Variants in CNTN3 observed in about 807,000 individuals in gnomAD.
CNTN3 encodes contactin-3.
In CNTN3, 60 loss-of-function variants were observed where a neutral mutation model predicts 119.1. The observed-to-expected ratio is 0.50, with a 90% CI of 0.41 to 0.62. The LOEUF (loss-of-function observed/expected upper bound fraction) is 0.62. Among genes scored for constraint, CNTN3 ranks in the 20% least tolerant of loss-of-function variants. CNTN3 has a pLI of 0.00. For missense variants in CNTN3, 1,101 were observed against 1,242.4 expected (o/e 0.89, Z 1.71); for synonymous variants, 450 against 438.7 (o/e 1.03, Z -0.32).
rs113997942 is a variant in CNTN3, at chr3:74,340,885, T to C, written c.1365-4227A>G. 6.0e-3 allele frequency among the ~76,000 whole-genome samples: 921 copies of C among 152,278 alleles called. 13 individuals are homozygous for C. Among genetic ancestry groups the C allele is most frequent in the African/African-American group, 0.02 (814 of 41,572 alleles). On this transcript the variant is annotated intron_variant, in intron 11 of 22. Coordinates refer to ENST00000263665, the MANE Select transcript of CNTN3 (RefSeq NM_020872.3). ...AAACAGAGGTAGGTAATTTCAGGTA[T>C]CTTCTATGCAATGAATTAGTGTAAC... is the stretch of plus-strand genomic sequence containing the variant.
chr3:74,373,114 G>T (rs923009570), intron 5 of CNTN3, among the ~76,000 whole-genome samples: 1 of 152,166 alleles, frequency 6.6e-6, no homozygotes, highest in Non-Finnish European at 1.5e-5. Context: ...CATGTGATAA[G>T]TTGTGAGCTC....
At chr3:74,352,513 G>T (rs904081570) in intron 11 of CNTN3, among the ~76,000 whole-genome samples, 3 of 152,078 alleles carry the variant, frequency 2.0e-5, no homozygotes, top group Non-Finnish European at 4.4e-5. Context: ...TAACTTCCAT[G>T]GTCACCTTAA....
At chr3:74,435,968 T>A (rs1420254963) in intron 4 of CNTN3, among the ~76,000 whole-genome samples, 1 of 152,198 alleles carries the variant, frequency 6.6e-6, no homozygotes, top group African/African-American at 2.4e-5. Flanking sequence ...ACACTCTCAG[T>A]TTCTAACACC....
intron 1 of CNTN3, among the ~76,000 whole-genome samples, chr3:74,601,219 T>C (rs1038662657): frequency 1.3e-5 from 2 of 151,998 alleles, no homozygotes; most frequent in African/African-American, 4.8e-5. Flanking sequence ...ATTTATACAG[T>C]AGAAACCATT....
At chr3:74,283,349 C>A (rs1702051685) in intron 20 of CNTN3, among the ~76,000 whole-genome samples, 1 of 152,106 alleles carries the variant, frequency 6.6e-6, no homozygotes, top group South Asian at 2.1e-4. Context: ...TACTTAGAAC[C>A]ATGACCGGAA....
intron 11 of CNTN3, among the ~76,000 whole-genome samples, chr3:74,360,858 T>C (rs1038882547): frequency 1.3e-5 from 2 of 152,186 alleles, no homozygotes; most frequent in African/African-American, 4.8e-5. Context: ...CCAATCCTTC[T>C]GCCTCCCTCT....
At chr3:74,359,400 C>A (rs892611300) in intron 11 of CNTN3, among the ~76,000 whole-genome samples, 4 of 152,008 alleles carry the variant, frequency 2.6e-5, no homozygotes, top group Non-Finnish European at 4.4e-5. Context: ...GAAGAGGAAA[C>A]GGAGGTTCAG....
intron 4 of CNTN3, among the ~76,000 whole-genome samples, chr3:74,426,945 T>C (rs1449796450): frequency 6.6e-6 from 1 of 152,240 alleles, no homozygotes; most frequent in Non-Finnish European, 1.5e-5. Context: ...TCTTCTGCCA[T>C]ACAATTTCAC....
chr3:74,455,847 C>T (rs941727688), intron 4 of CNTN3, among the ~76,000 whole-genome samples: 23 of 152,028 alleles, frequency 1.5e-4, no homozygotes, highest in Admixed American at 1.1e-3. Flanking sequence ...GTTAAAATAC[C>T]TGTGGCCCTG....
At chr3:74,503,373 C>T (rs879478054) in intron 2 of CNTN3, among the ~76,000 whole-genome samples, 2 of 152,062 alleles carry the variant, frequency 1.3e-5, no homozygotes, top group African/African-American at 2.4e-5. Flanking sequence ...CCATCAGCAG[C>T]CATTTGGGAG....
chr3:74,478,920 T>G lies in CNTN3; in HGVS notation c.358+7536A>C, dbSNP rs148040714. Among the ~76,000 whole-genome samples the G allele has an allele frequency of 3.2e-3, 484 of 152,204 alleles. 2 individuals carry two copies. The highest frequency in any genetic ancestry group is 0.011 in the African/African-American group (463 of 41,548). The stretch of plus-strand genomic sequence containing the variant: ...AGCTATTACAACTATTACACTAGAA[T>G]ATGGTATAGAAAGGAAATTTCAAAT... On this transcript the variant is annotated intron_variant, in intron 4 of 22. Coordinates refer to ENST00000263665, the MANE Select transcript of CNTN3 (RefSeq NM_020872.3).
At chr3:74,313,731 G>T (rs1481442485) in intron 13 of CNTN3, among the ~76,000 whole-genome samples, 1 of 152,150 alleles carries the variant, frequency 6.6e-6, no homozygotes, top group African/African-American at 2.4e-5. Flanking sequence ...AGAAGTGTCT[G>T]GATGGCAAAG....
intron 1 of CNTN3, among the ~76,000 whole-genome samples, chr3:74,556,759 G>A (rs1283179758): frequency 6.6e-6 from 1 of 152,170 alleles, no homozygotes; most frequent in Non-Finnish European, 1.5e-5. Flanking sequence ...CCCATCTGCA[G>A]TGTAGGAAAG....
At chr3:74,464,155 G>T (rs1702419847) in intron 4 of CNTN3, among the ~76,000 whole-genome samples, 1 of 152,120 alleles carries the variant, frequency 6.6e-6, no homozygotes, top group African/African-American at 2.4e-5. Context: ...TTACCTCATA[G>T]AGTTGTTATA....
chr3:74,290,102 A>C (rs1243342455), intron 19 of CNTN3, among the ~76,000 whole-genome samples: 1 of 152,166 alleles, frequency 6.6e-6, no homozygotes, highest in African/African-American at 2.4e-5. Context: ...ATATACAGTT[A>C]TGTGTTACGA....
chr3:74,562,290 A>G (rs9864359), intron 1 of CNTN3, among the ~76,000 whole-genome samples: 150,441 of 152,302 alleles, frequency 0.99, 74,313 homozygotes, highest in Middle Eastern at 1. Flanking sequence ...ACCTGCTTTC[A>G]TTGCACTGGT....
At chr3:74,422,114 C>T (rs779152055) in intron 5 of CNTN3, among the ~76,000 whole-genome samples, 1 of 152,174 alleles carries the variant, frequency 6.6e-6, no homozygotes, top group Non-Finnish European at 1.5e-5. Context: ...TTGTACTAGG[C>T]TCTTGGGTGC....
chr3:74,442,917 A>C (rs1701990730), intron 4 of CNTN3, among the ~76,000 whole-genome samples: 1 of 152,254 alleles, frequency 6.6e-6, no homozygotes, highest in African/African-American at 2.4e-5. Flanking sequence ...CTGGGACTTA[A>C]GCCCATACAG....
chr3:74,552,899 C>A (rs1402928432), intron 1 of CNTN3, among the ~76,000 whole-genome samples: 2 of 152,196 alleles, frequency 1.3e-5, no homozygotes, highest in Non-Finnish European at 2.9e-5. Flanking sequence ...TGAGTCCCCC[C>A]AGGCCATGCA....
Sources: allele counts gnomAD v4.1 joint callset (sites outside exome capture counted in the v4.1 genomes callset), GRCh38; gene constraint gnomAD v4.1.1; transcripts MANE v1.5; gene names NCBI Gene and HGNC (gene_info 2026-07-23, HGNC 2026-07-21).